NOS1AP: variants seen among roughly 807,000 people sequenced by gnomAD.
NOS1AP encodes the protein carboxyl-terminal PDZ ligand of neuronal nitric oxide synthase protein.
NOS1AP carries 21 observed loss-of-function variants against 56.2 expected under a neutral mutation model. The observed-to-expected ratio is 0.37, with a 90% CI of 0.26 to 0.54. The LOEUF (loss-of-function observed/expected upper bound fraction) is 0.54. Among genes scored for constraint, NOS1AP ranks in the 20% least tolerant of loss-of-function variants. NOS1AP has a pLI of 0.84. For synonymous variants in NOS1AP, 270 were observed against 274.6 expected (o/e 0.98, Z 0.17); for missense variants, 522 against 657.8 (o/e 0.79, Z 2.26).
intron 4 of NOS1AP, among the ~76,000 whole-genome samples, chr1:162,318,296 C>T (rs996049300): frequency 5.9e-5 from 9 of 152,178 alleles, no homozygotes; most frequent in Admixed American, 5.2e-4. Context: ...ACTGCATTTG[C>T]TATCTATATT....
chr1:162,208,071 C>T (rs564039577), intron 2 of NOS1AP, among the ~76,000 whole-genome samples: 3 of 152,210 alleles, frequency 2.0e-5, no homozygotes, highest in Non-Finnish European at 4.4e-5. Flanking sequence ...GGCTATGATG[C>T]GGGAGGACCA....
At chr1:162,164,053 AGGTGCTTT>A (rs1650358147) in intron 2 of NOS1AP, among the ~76,000 whole-genome samples, 1 of 152,214 alleles carries the variant, frequency 6.6e-6, no homozygotes, top group South Asian at 2.1e-4. Context: ...CTTTTAAATA[AGGTGCTTT>A]GCTTTATTAC....
intron 1 of NOS1AP, among the ~76,000 whole-genome samples, chr1:162,077,954 C>T (rs907370097): frequency 6.6e-6 from 1 of 152,112 alleles, no homozygotes; most frequent in East Asian, 1.9e-4. Context: ...CTCTGCTGCC[C>T]CCTTCTCTAT....
chr1:162,183,710 G>A (rs1303170271), intron 2 of NOS1AP, among the ~76,000 whole-genome samples: 1 of 152,176 alleles, frequency 6.6e-6, no homozygotes, highest in Non-Finnish European at 1.5e-5. Flanking sequence ...TGCTAACTTC[G>A]AACTTTTCTT....
intron 2 of NOS1AP, among the ~76,000 whole-genome samples, chr1:162,159,387 G>A (rs1650102589): frequency 6.6e-6 from 1 of 152,058 alleles, no homozygotes; most frequent in African/African-American, 2.4e-5. Context: ...GTTGAATCTG[G>A]GATGAAGCAT....
intron 4 of NOS1AP, among the ~76,000 whole-genome samples, chr1:162,317,974 C>T (rs1204122156): frequency 6.6e-6 from 1 of 152,158 alleles, no homozygotes; most frequent in East Asian, 1.9e-4. Context: ...TTCATAAGGG[C>T]CACCAAAATA....
chr1:162,198,839 C>G (rs10918856), intron 2 of NOS1AP, among the ~76,000 whole-genome samples: 40,598 of 151,984 alleles, frequency 0.27, 5,661 homozygotes, highest in East Asian at 0.39. Context: ...GGACACTGTG[C>G]ACCAGCACCA....
intron 5 of NOS1AP, among the ~76,000 whole-genome samples, chr1:162,336,202 A>G (rs1238803342): frequency 2.0e-5 from 3 of 152,206 alleles, no homozygotes. Context: ...AGCTCTTTAC[A>G]TGAATGATCT....
At chr1:162,151,376 A>G (rs1649698585) in intron 1 of NOS1AP, among the ~76,000 whole-genome samples, 1 of 152,156 alleles carries the variant, frequency 6.6e-6, no homozygotes, top group South Asian at 2.1e-4. Flanking sequence ...TGTAGCATGT[A>G]CATGTGCATG....
chr1:162,299,843 A>G (rs1225928177), intron 3 of NOS1AP, among the ~76,000 whole-genome samples: 2 of 151,898 alleles, frequency 1.3e-5, no homozygotes, highest in Non-Finnish European at 1.5e-5. Flanking sequence ...TCCTAATGTC[A>G]CTGTAAGAGC....
At chr1:162,206,739 C>A (rs1204058626) in intron 2 of NOS1AP, among the ~76,000 whole-genome samples, 1 of 152,184 alleles carries the variant, frequency 6.6e-6, no homozygotes, top group African/African-American at 2.4e-5. Flanking sequence ...GTGGCTGGCA[C>A]ATGATATTGT....
intron 1 of NOS1AP, among the ~76,000 whole-genome samples, chr1:162,082,024 T>A (rs1320699481): frequency 6.6e-6 from 1 of 151,820 alleles, no homozygotes; most frequent in Non-Finnish European, 1.5e-5. Flanking sequence ...GTACAGATTA[T>A]TTCATCACTC....
At chr1:162,275,989 T>A (rs1654716512) in intron 2 of NOS1AP, among the ~76,000 whole-genome samples, 1 of 152,232 alleles carries the variant, frequency 6.6e-6, no homozygotes, top group Non-Finnish European at 1.5e-5. Flanking sequence ...TAAAGCTTTA[T>A]TGGAACATAG....
At chr1:162,154,798 TA>T (rs1026583322) in intron 2 of NOS1AP, among the ~76,000 whole-genome samples, 16 of 152,202 alleles carry the variant, frequency 1.1e-4, no homozygotes, top group African/African-American at 3.9e-4. Context: ...TCAAAGATTT[TA>T]GGGAAAAGGT....
At chr1:162,260,047 A>G (rs865989265) in intron 2 of NOS1AP, among the ~76,000 whole-genome samples, 2 of 152,176 alleles carry the variant, frequency 1.3e-5, no homozygotes, top group Middle Eastern at 3.2e-3. Flanking sequence ...GTTTCTATGG[A>G]AACAATGATG....
intron 1 of NOS1AP, among the ~76,000 whole-genome samples, chr1:162,073,764 CTT>C (rs1262366203): frequency 6.6e-6 from 1 of 152,250 alleles, no homozygotes; most frequent in African/African-American, 2.4e-5. Context: ...CCGGCTCAAA[CTT>C]TTAATGCTTG....
intron 2 of NOS1AP, among the ~76,000 whole-genome samples, chr1:162,164,438 C>T (rs1650381554): frequency 6.6e-6 from 1 of 152,188 alleles, no homozygotes; most frequent in African/African-American, 2.4e-5. Flanking sequence ...ATTCACAATA[C>T]TTTGTATCCA....
At chr1:162,363,852 G>A in intron 8 of NOS1AP, 3 of 985,388 alleles carry the variant, frequency 3.0e-6, no homozygotes, top group South Asian at 4.7e-5. Context: ...CAAAATATCA[G>A]TTCTGTCCTT....
At chr1:162,130,683 A>G (rs1482967374) in intron 1 of NOS1AP, among the ~76,000 whole-genome samples, 2 of 152,236 alleles carry the variant, frequency 1.3e-5, no homozygotes, top group African/African-American at 2.4e-5. Context: ...CTGAGAAGTC[A>G]CCTAGTCTAG....
Sources: allele counts gnomAD v4.1 joint callset (sites outside exome capture counted in the v4.1 genomes callset), GRCh38; gene constraint gnomAD v4.1.1; transcripts MANE v1.5; gene names NCBI Gene and HGNC (gene_info 2026-07-23, HGNC 2026-07-21).